The following DTL variants were observed in gnomAD, a reference collection of about 807,000 sequenced individuals.
The protein encoded by DTL is denticleless E3 ubiquitin protein ligase adapter, also known as denticleless protein homolog.
Under a neutral mutation model 87.0 loss-of-function variants are expected in DTL, and 46 were observed. That is an observed-to-expected ratio of 0.53 (90% CI 0.42 to 0.68). The LOEUF (loss-of-function observed/expected upper bound fraction) is 0.68, where lower values mean the gene tolerates loss of function less well. Among genes scored for constraint, DTL ranks in the 30% least tolerant of loss-of-function variants. The pLI, the probability that DTL is intolerant of heterozygous loss-of-function variation, is 0.00. For synonymous variants in DTL, 308 were observed against 311.2 expected (o/e 0.99, Z 0.11); for missense variants, 737 against 869.4 (o/e 0.85, Z 1.91).
chr1:212,052,386 A>G (rs1571947177), intron 5 of DTL, among the ~76,000 whole-genome samples: 2 of 151,990 alleles, frequency 1.3e-5, no homozygotes, highest in Admixed American at 1.3e-4. Flanking sequence ...CCTGTAATCC[A>G]AGCACTTTGA....
chr1:212,072,046 A>G, intron 10 of DTL, 55 bp from the exon 11 acceptor site: 1 of 1,260,876 alleles, frequency 7.9e-7, no homozygotes, highest in South Asian at 1.2e-5. Context: ...GTCTATATCC[A>G]TTTGACCACT....
chr1:212,102,761 A>G (rs1419082450), intron 14 of DTL, 81 bp from the exon 15 acceptor site: 1 of 948,708 alleles, frequency 1.1e-6, no homozygotes, highest in East Asian at 2.4e-5. Context: ...CTGGCAGCCT[A>G]ATTTAAGGTA....
chr1:212,048,659 G>A (rs954812713), intron 5 of DTL, among the ~76,000 whole-genome samples: 3 of 151,982 alleles, frequency 2.0e-5, no homozygotes, highest in Non-Finnish European at 2.9e-5. Context: ...CTTCATTTCT[G>A]TTTTTGTTTG....
chr1:212,059,335 T>G (rs1668270047), intron 5 of DTL, among the ~76,000 whole-genome samples: 1 of 150,318 alleles, frequency 6.7e-6, no homozygotes, highest in South Asian at 2.1e-4. Flanking sequence ...TCAAGTGGGA[T>G]TTATCCCAGG....
intron 3 of DTL, 88 bp downstream of exon 3, chr1:212,044,846 A>G: frequency 1.3e-6 from 1 of 798,102 alleles, no homozygotes; most frequent in South Asian, 1.7e-5. Flanking sequence ...ATTCTGTTTT[A>G]GTCTGTCTTC....
At chr1:212,068,485 G>T in intron 9 of DTL, 114 bp from the exon 10 acceptor site, 1 of 858,614 alleles carries the variant, frequency 1.2e-6, no homozygotes, top group East Asian at 2.6e-5. Context: ...ATATTTTGGG[G>T]ACAAAGAATT....
Position 212,103,045 on chromosome 1 carries a change from C to CTTAA in DTL, c.*107_*108insAATT. ...ACAAGAGTGACTCTATAACTCTGGT[C>CTTAA]TTTAAGAAAGCTGCCTTTTCATTTT... On this transcript the variant is annotated 3_prime_UTR_variant, in exon 15 of 15. Coordinates refer to ENST00000366991, the MANE Select transcript of DTL (RefSeq NM_016448.4). 1 of 591,108 alleles carries CTTAA rather than the reference C, an allele frequency of 1.7e-6. No individual in the cohort carries two copies. The highest frequency in any genetic ancestry group is 2.9e-6 in the Non-Finnish European group (1 of 347,520). 36.6% of individuals were successfully genotyped at this position (591,108 alleles called of 1,614,324 possible).
At chr1:212,044,802 T>C in intron 3 of DTL, 44 bp downstream of exon 3, 1 of 1,104,522 alleles carries the variant, frequency 9.1e-7, no homozygotes, top group Non-Finnish European at 1.4e-6. Flanking sequence ...TTAAAAAACT[T>C]TACACATCCT....
intron 1 of DTL, among the ~76,000 whole-genome samples, chr1:212,036,943 C>T (rs1667486725): frequency 1.3e-5 from 2 of 152,102 alleles, no homozygotes; most frequent in Admixed American, 6.5e-5. Flanking sequence ...GAGAAGTAGT[C>T]CCTCAACTTC....
At chr1:212,090,039 G>GA (rs138736605) in intron 13 of DTL, among the ~76,000 whole-genome samples, 2,504 of 152,200 alleles carry the variant, frequency 0.016, 56 homozygotes, top group African/African-American at 0.057. Flanking sequence ...CTTTTCTGCT[G>GA]AAAAAAATAG....
rs774596542 is a variant in DTL at position 212,100,995 on chromosome 1, A to G, written c.2005A>G (p.Lys669Glu). Residue 669 changes from lysine (K) to glutamate (E), a missense_variant, in exon 14 of 15, where the codon AAA becomes GAA. By Grantham distance (56) the Lys-to-Glu change is moderately conservative. Coordinates refer to ENST00000366991, the MANE Select transcript of DTL (RefSeq NM_016448.4). The stretch of plus-strand genomic sequence containing the variant: ...AAACTGGTTGTTGGCCATGGCAGCC[A>G]AACGGAAGGCTGAGAATCCATCTCC... ...NKNWLLAMAA[K>E]RKAENPSPRS... 8 of 1,614,048 alleles carry G rather than the reference A, an allele frequency of 5.0e-6. No individual in the cohort carries two copies. The highest frequency in any genetic ancestry group is 1.1e-5 in the South Asian group (1 of 91,092).
intron 1 of DTL, 143 bp downstream of exon 1, chr1:212,036,085 G>C: frequency 1.4e-6 from 1 of 724,360 alleles, no homozygotes; most frequent in South Asian, 1.7e-5. Context: ...TGTTAGCAGG[G>C]ACTACTAAAG....
intron 11 of DTL, among the ~76,000 whole-genome samples, chr1:212,075,029 G>C (rs780146910): frequency 3.9e-5 from 6 of 152,068 alleles, no homozygotes; most frequent in Middle Eastern, 3.2e-3. Flanking sequence ...CCACTGAATA[G>C]CATCGAAGTG....
intron 5 of DTL, among the ~76,000 whole-genome samples, chr1:212,059,927 A>G (rs1279940409): frequency 3.3e-5 from 5 of 152,156 alleles, no homozygotes; most frequent in Non-Finnish European, 7.3e-5. Flanking sequence ...TCCCATTTAC[A>G]ATAGCTACAA....
At chr1:212,072,469 A>G (rs1654703521) in intron 11 of DTL, among the ~76,000 whole-genome samples, 1 of 152,150 alleles carries the variant, frequency 6.6e-6, no homozygotes, top group African/African-American at 2.4e-5. Flanking sequence ...GGAAATTGAG[A>G]ATTCAGAGGG....
chr1:212,065,534 A>G (rs1654466085), intron 7 of DTL, among the ~76,000 whole-genome samples: 1 of 152,036 alleles, frequency 6.6e-6, no homozygotes, highest in African/African-American at 2.4e-5. Context: ...ATCCCTAAAA[A>G]TCTCTCTACA....
At chr1:212,098,947 G>A (rs548994668) in intron 13 of DTL, among the ~76,000 whole-genome samples, 1 of 152,016 alleles carries the variant, frequency 6.6e-6, no homozygotes, top group African/African-American at 2.4e-5. Context: ...GAAAATTCAC[G>A]CTCAGTTGAA....
At position 212,072,295 on chromosome 1, in the gene DTL, A is replaced by T. The variant is rs921956722; in HGVS notation, c.1035+82A>T. The T allele has an allele frequency of 4.6e-6, 5 of 1,075,596 alleles. No homozygotes were observed. The African/African-American group carries it at 7.8e-5, about 17-fold the overall frequency. 66.6% of individuals were successfully genotyped at this position (1,075,596 alleles called of 1,614,324 possible). The stretch of plus-strand genomic sequence containing the variant: ...GTTCTGTCCAATATGAGATAAGTTT[A>T]ATGTAACCACGTGCTATACTATTCC... On this transcript the variant is annotated intron_variant, in intron 11 of 14. Coordinates refer to ENST00000366991, the MANE Select transcript of DTL (RefSeq NM_016448.4).
rs1174396500 is a variant in DTL, at chr1:212,068,216, G to A, written c.714-8G>A. The A allele has an allele frequency of 6.3e-7, 1 of 1,580,812 alleles. No individual in the cohort carries two copies. Among genetic ancestry groups the A allele is most frequent in the Admixed American group, 1.9e-5 (1 of 53,446 alleles). On this transcript the variant is annotated splice_region_variant and splice_polypyrimidine_tract_variant and intron_variant, in intron 8 of 14. Transcript: ENST00000366991. ...GTCTACAAAATATTTATTTGCCTTG[G>A]TTTTTAGGATAATCAAAGTATGGGA... is the stretch of plus-strand genomic sequence containing the variant.
Sources: gnomAD v4.1 joint callset for allele counts (sites outside exome capture counted in the v4.1 genomes callset) on GRCh38, gnomAD v4.1.1 for gene constraint, MANE v1.5 for transcripts, NCBI Gene and HGNC (gene_info 2026-07-23, HGNC 2026-07-21) for gene names.